The following NOP14 variants were observed in gnomAD, a reference collection of about 807,000 sequenced individuals.
NOP14 encodes NOP14 nucleolar protein.
A neutral mutation model predicts 101.6 loss-of-function variants in NOP14; 57 were observed. That is an observed-to-expected ratio of 0.56 (90% CI 0.45 to 0.70). NOP14 has a LOEUF of 0.70. Ranked by LOEUF, NOP14 falls within the 30% of genes least tolerant of loss-of-function variation. The pLI is 0.00. For missense variants in NOP14, 1,134 were observed against 1,075.5 expected (o/e 1.05, Z -0.76); for synonymous variants, 428 against 424.0 (o/e 1.01, Z -0.12).
chr4:2,941,261 C>T (rs959892629), intron 15 of NOP14: 23 of 324,740 alleles, frequency 7.1e-5, no homozygotes, highest in Non-Finnish European at 9.3e-5. Flanking sequence ...CTGCAGAGCG[C>T]GGCTCAGAGC....
intron 8 of NOP14, among the ~76,000 whole-genome samples, chr4:2,948,686 C>A (rs928433533): frequency 6.6e-6 from 1 of 152,208 alleles, no homozygotes; most frequent in Admixed American, 6.5e-5. Context: ...AGCTCCTGAC[C>A]TCAGGTGATC....
chr4:2,961,231 G>C (rs1282264932), intron 1 of NOP14: 1 of 29,394 alleles, frequency 3.4e-5, no homozygotes, highest in African/African-American at 1.1e-4. Context: ...AATATTGTTA[G>C]TATATTAATA....
rs932182179 is a variant in NOP14, at chr4:2,963,403, A to C, written c.-84T>G. On this transcript the variant is annotated 5_prime_UTR_variant, in exon 1 of 18. Coordinates refer to ENST00000416614, the MANE Select transcript of NOP14 (RefSeq NM_001291978.2). ...CCCTAAGACACGTGCCGGGCCGCGG[A>C]ACCGCTTCCTCGTCTCGCGAGAACA... is the stretch of plus-strand genomic sequence containing the variant. 2.9e-6 allele frequency: 4 copies of C among 1,359,174 alleles called. No individual in the cohort carries two copies. The highest frequency in any genetic ancestry group is 6.7e-5 in the Admixed American group (2 of 29,778). The allele number at this position is 1,359,174 out of a possible 1,614,324, so 84.2% of individuals were successfully genotyped here.
At chr4:2,939,709 A>C in intron 15 of NOP14, 64 bp from the exon 16 acceptor site, 3 of 1,256,006 alleles carry the variant, frequency 2.4e-6, no homozygotes, top group Non-Finnish European at 3.5e-6. Flanking sequence ...AGCTCCACGC[A>C]CGGGTTCTGT....
At chr4:2,946,071 G>A (rs1218924843) in intron 11 of NOP14, among the ~76,000 whole-genome samples, 9 of 98,990 alleles carry the variant, frequency 9.1e-5, no homozygotes, top group African/African-American at 3.8e-4. Flanking sequence ...TCACTGCCGT[G>A]CACTCTCACT....
At chr4:2,953,950 C>G (rs918341484) in intron 4 of NOP14, among the ~76,000 whole-genome samples, 4 of 152,196 alleles carry the variant, frequency 2.6e-5, no homozygotes, top group Non-Finnish European at 2.9e-5. Flanking sequence ...AAAAACCCAT[C>G]CGCGCCAGGT....
chr4:2,946,875 ACTT>A, intron 10 of NOP14: 2 of 335,562 alleles, frequency 6.0e-6, no homozygotes, highest in South Asian at 6.0e-5. Context: ...CACGACAGGT[ACTT>A]CTTTGATAGT....
Position 2,938,211 on chromosome 4 carries a change from C to T in NOP14, c.*620G>A. 1 of 1,289,038 alleles carries T rather than the reference C, an allele frequency of 7.8e-7. No homozygotes were observed. Among genetic ancestry groups the T allele is most frequent in the Non-Finnish European group, 1.0e-6 (1 of 988,594 alleles). 79.9% of individuals were successfully genotyped at this position (1,289,038 alleles called of 1,614,324 possible). The stretch of plus-strand genomic sequence containing the variant: ...GAGCTGGAGGTTGGAATCACACCAA[C>T]ATTATAGCATTATTACTCTAAAAAA... On this transcript the variant is annotated 3_prime_UTR_variant, in exon 18 of 18. Transcript: ENST00000416614.
chr4:2,951,376 G>A (rs1298076637), intron 6 of NOP14, 131 bp from the exon 7 acceptor site: 3 of 683,458 alleles, frequency 4.4e-6, no homozygotes, highest in Non-Finnish European at 4.9e-6. Context: ...CATCCAGCCT[G>A]CTTTCTGCCT....
intron 4 of NOP14, 126 bp downstream of exon 4, chr4:2,954,298 G>T: frequency 9.2e-7 from 1 of 1,086,860 alleles, no homozygotes; most frequent in Non-Finnish European, 1.3e-6. Flanking sequence ...CACAATAAAT[G>T]CTTTTACTGA....
At chr4:2,963,097 T>A (rs762606625) in intron 1 of NOP14, 28 bp downstream of exon 1, 2 of 1,510,778 alleles carry the variant, frequency 1.3e-6, no homozygotes, top group Non-Finnish European at 1.8e-6. Flanking sequence ...GATCCTGCCT[T>A]CCGGCTCCCC....
At position 2,963,139 on chromosome 4, in the gene NOP14, G is replaced by C. The variant is rs768605401; in HGVS notation, c.181C>G (p.Arg61Gly). 11 of 1,563,372 alleles carry C rather than the reference G, an allele frequency of 7.0e-6. No individual in the cohort carries two copies. The highest frequency in any genetic ancestry group is 8.6e-6 in the Non-Finnish European group (10 of 1,157,958). ...DVGLPGVSRARALRKRTQTLL... is the reference protein window; with the variant it reads ...DVGLPGVSRAGALRKRTQTLL... ...CCCCCGCTTACCTTCCTGAGGGCCC[G>C]TGCGCGAGACACCCCGGGCAGTCCC... The change falls in exon 1 of 18, where the codon CGG (arginine) becomes GGG (glycine). Residue 61 changes from arginine (R) to glycine (G), a missense_variant. By Grantham distance (125) the Arg-to-Gly change is moderately radical. Coordinates refer to ENST00000416614, the MANE Select transcript of NOP14 (RefSeq NM_001291978.2).
intron 1 of NOP14, among the ~76,000 whole-genome samples, chr4:2,960,486 T>A (rs1715655693): frequency 6.6e-6 from 1 of 151,984 alleles, no homozygotes; most frequent in Non-Finnish European, 1.5e-5. Context: ...TTATTGTGAT[T>A]CTCTTTCTTT....
intron 9 of NOP14, 104 bp from the exon 10 acceptor site, chr4:2,947,715 G>A: frequency 2.2e-6 from 2 of 912,010 alleles, no homozygotes; most frequent in Admixed American, 1.8e-5. Context: ...ACAACCAGGT[G>A]GGGCAGGGGA....
chr4:2,959,288 A>G (rs1460287878), intron 1 of NOP14, among the ~76,000 whole-genome samples: 1 of 152,230 alleles, frequency 6.6e-6, no homozygotes. Context: ...GTGCTAAACA[A>G]TGTTTGTTAA....
Position 2,956,761 on chromosome 4 carries a change from C to A in NOP14, c.381G>T (p.Leu127Phe). 6.2e-7 allele frequency: 1 copy of A among 1,612,658 alleles called. No individual in the cohort carries two copies. Among genetic ancestry groups the A allele is most frequent in the South Asian group, 1.1e-5 (1 of 90,752 alleles). Residue 127 changes from leucine (L) to phenylalanine (F), a missense_variant, in exon 3 of 18, where the codon TTG becomes TTT. By Grantham distance (22) the Leu-to-Phe change is conservative. Coordinates refer to ENST00000416614, the MANE Select transcript of NOP14 (RefSeq NM_001291978.2). ...CTGCCAAAGACTGGCCATAATGAGT[C>A]AATTCTTCATCTTCATTTAGATTGT... ...SIYNLNEDEELTHYGQSLADI... is the reference protein window; with the variant it reads ...SIYNLNEDEEFTHYGQSLADI...
rs6839805 is a variant in NOP14, at chr4:2,942,458, C to T, written c.1892-107G>A. 3,759 of 1,139,854 alleles carry T rather than the reference C, an allele frequency of 3.3e-3. 39 individuals carry two copies. The highest frequency in any genetic ancestry group is 0.024 in the African/African-American group (1,527 of 64,756). The allele number at this position is 1,139,854 out of a possible 1,614,324, so 70.6% of individuals were successfully genotyped here. ...AGTTCACCCTCTAACAGACGCACAC[C>T]GATTTTTATGTTTCTGGGTTGTGCC... On this transcript the variant is annotated intron_variant, in intron 13 of 17. Transcript: ENST00000416614.
chr4:2,947,016 T>G (rs1322092356), intron 10 of NOP14: 3 of 212,908 alleles, frequency 1.4e-5, no homozygotes, highest in African/African-American at 2.4e-5. Context: ...TCTGGCATTC[T>G]TCCAGCCACC....
chr4:2,945,233 G>C lies in NOP14; in HGVS notation c.1636-4C>G. 5.8e-6 allele frequency: 9 copies of C among 1,557,206 alleles called. No homozygotes were observed. The highest frequency in any genetic ancestry group is 7.0e-6 in the Non-Finnish European group (8 of 1,148,324). On this transcript the variant is annotated splice_region_variant and splice_polypyrimidine_tract_variant and intron_variant, in intron 11 of 17. Transcript: ENST00000416614. ...CAGTGATTTTCAAATAAATGAGCTG[G>C]AAAGAAAGTGTTACCACAGGTTAAA...
Sources: gnomAD v4.1 joint callset for allele counts (sites outside exome capture counted in the v4.1 genomes callset) on GRCh38, gnomAD v4.1.1 for gene constraint, MANE v1.5 for transcripts, NCBI Gene and HGNC (gene_info 2026-07-23, HGNC 2026-07-21) for gene names.